The following GOLGA8M variants were observed in gnomAD, a reference collection of about 807,000 sequenced individuals.
The protein encoded by GOLGA8M is golgin subfamily A member 8M.
GOLGA8M carries 34 observed loss-of-function variants against 87.7 expected under a neutral mutation model. The ratio of observed to expected loss-of-function variants is 0.39; its 90% CI spans 0.29 to 0.52. The LOEUF is 0.52. Ranked by LOEUF, GOLGA8M falls within the 20% of genes least tolerant of loss-of-function variation. The pLI, the probability that GOLGA8M is intolerant of heterozygous loss-of-function variation, is 0.80. For missense variants in GOLGA8M, 396 were observed against 682.2 expected (o/e 0.58, Z 4.67); for synonymous variants, 138 against 250.2 (o/e 0.55, Z 4.23).
At chr15:28,711,901 C>A (rs1178300919) in intron 1 of GOLGA8M, 1 of 980,954 alleles carries the variant, frequency 1.0e-6, no homozygotes, top group African/African-American at 1.8e-5. Flanking sequence ...CAGCAGGGAG[C>A]CCCAGGAGTC....
In GOLGA8M at chr15:28,701,417, T is replaced by G. The variant is rs990069492; in HGVS notation, c.*537A>C. Among the ~76,000 whole-genome samples the G allele has an allele frequency of 6.6e-6, 1 of 151,586 alleles. No individual in the cohort carries two copies. Among genetic ancestry groups the G allele is most frequent in the African/African-American group, 2.4e-5 (1 of 41,118 alleles). ...TTCCAGTTCTTGGCCTTTAAACAAC[T>G]CTAAATGTCAGTACTCATAGTGGCA... is the stretch of plus-strand genomic sequence containing the variant. On this transcript the variant is annotated 3_prime_UTR_variant, in exon 19 of 19. Transcript: ENST00000563027.
Position 28,702,558 on chromosome 15 carries a change from T to C in GOLGA8M, c.1474A>G (p.Ile492Val), listed in dbSNP as rs574432181. 7.2e-5 allele frequency: 116 copies of C among 1,606,796 alleles called. 2 individuals are homozygous for C. In the South Asian group the frequency reaches 1.2e-3, roughly 17 times the overall value. ...CCTGGTTCTGATAAAAGGTGATGGA[T>C]TTTCCTGCGGGAGGACGGGGCTCAG... ...QYWQERCHQKIHHLLSEPGGR... is the reference protein window; with the variant it reads ...QYWQERCHQKVHHLLSEPGGR... The change falls in exon 17 of 19, where the codon ATC (isoleucine) becomes GTC (valine). Residue 492 changes from isoleucine (I) to valine (V), a missense_variant. Physicochemically the swap from Ile to Val is conservative, Grantham distance 29 (BLOSUM62 3). Transcript: ENST00000563027.
intron 1 of GOLGA8M, chr15:28,711,664 A>G (rs2080199059): frequency 9.1e-6 from 9 of 984,572 alleles, no homozygotes; most frequent in Non-Finnish European, 9.6e-6. Context: ...CTGGGTCATA[A>G]GATCAAAGGC....
chr15:28,702,521 T>G lies in GOLGA8M; in HGVS notation c.1511A>C (p.Lys504Thr), dbSNP rs551472824. The change falls in exon 17 of 19, where the codon AAA becomes ACA. Residue 504 changes from lysine to threonine, a missense_variant. Physicochemically the swap from Lys to Thr is moderately conservative, Grantham distance 78. Around this residue, in one of 12 missense-constraint regions of GOLGA8M, gnomAD observed 173 missense variants for 150.2 expected, o/e 1.15. Transcript: ENST00000563027. ...HLLSEPGGRA[K>T]DAALGGGHHQ... ...GTGTCCTCCTCCCAGTGCCGCATCT[T>G]TGGCACGGCCCCCTGGTTCTGATAA... is the stretch of plus-strand genomic sequence containing the variant. 1 of 1,598,286 alleles carries G rather than the reference T, an allele frequency of 6.3e-7. No individual in the cohort carries two copies. Among genetic ancestry groups the G allele is most frequent in the East Asian group, 2.2e-5 (1 of 44,470 alleles).
At chr15:28,703,485 C>T in intron 14 of GOLGA8M, 75 bp from the exon 15 acceptor site, 2 of 544,134 alleles carry the variant, frequency 3.7e-6, no homozygotes, top group Non-Finnish European at 6.0e-6. Flanking sequence ...TACCTCCACC[C>T]TCACTGTGTA....
rs745972460 is a variant in GOLGA8M, at chr15:28,702,506, C to A, written c.1526G>T (p.Gly509Val). 1.4e-4 allele frequency: 231 copies of A among 1,593,560 alleles called. No homozygotes were observed. Among genetic ancestry groups the A allele is most frequent in the African/African-American group, 8.5e-4 (61 of 71,356 alleles). Residue 509 changes from glycine to valine, a missense_variant, in exon 17 of 19, where the codon GGA becomes GTA. Gly to Val is a moderately radical substitution (Grantham distance 109). Around this residue, in one of 12 missense-constraint regions of GOLGA8M, gnomAD observed 173 missense variants for 150.2 expected, o/e 1.15. Transcript: ENST00000563027. The part of the protein sequence containing the change: ...PGGRAKDAAL[G>V]GGHHQAGAQG... ...AGCTCCAGCCTGATGGTGTCCTCCT[C>A]CCAGTGCCGCATCTTTGGCACGGCC...
Position 28,702,261 on chromosome 15 carries a change from G to A in GOLGA8M, c.1676C>T (p.Pro559Leu), listed in dbSNP as rs1235987322. ...AAHNSADEPG[P>L]GAPAPQELGA... ...AAGCTCCTGGGGAGCTGGGGCTCCT[G>A]GACCGGGCTCATCAGCAGAGTTGTG... Residue 559 changes from proline (P) to leucine (L), a missense_variant, in exon 18 of 19, where the codon CCA becomes CTA. Around this residue, in one of 12 missense-constraint regions of GOLGA8M, gnomAD observed 173 missense variants for 150.2 expected, o/e 1.15. Coordinates refer to ENST00000563027, the MANE Select transcript of GOLGA8M (RefSeq NM_001282468.3). The A allele has an allele frequency of 6.4e-7, 1 of 1,572,166 alleles. No individual in the cohort carries two copies. Among genetic ancestry groups the A allele is most frequent in the South Asian group, 1.1e-5 (1 of 88,652 alleles).
At chr15:28,710,099 G>C (rs1013490000) in intron 2 of GOLGA8M, among the ~76,000 whole-genome samples, 12 of 145,528 alleles carry the variant, frequency 8.2e-5, no homozygotes, top group Non-Finnish European at 1.3e-4. Context: ...TTTTCTTTGA[G>C]ACAGAGTCTT....
At position 28,698,619 on chromosome 15, in the gene GOLGA8M, T is replaced by G. The variant is rs2079738079; in HGVS notation, c.*3335A>C. Among the ~76,000 whole-genome samples the G allele has an allele frequency of 6.8e-6, 1 of 147,430 alleles. No homozygotes were observed. Among genetic ancestry groups the G allele is most frequent in the Admixed American group, 6.8e-5 (1 of 14,666 alleles). ...ACCCATAACTTTTTTATTTTGGTTT[T>G]TAATAAACACTTGCATAGTTATATT... On this transcript the variant is annotated 3_prime_UTR_variant, in exon 19 of 19. Transcript: ENST00000563027.
rs1462713900 is a variant in GOLGA8M at position 28,706,691 on chromosome 15, G to A, written c.600C>T (p.Ser200=). ...TCCACTCCGTACCTGCTTTACTGGG[G>A]CTGGACAACTGGATGGCAAAGAGTG... ...TQKKKANQLS[S]PSKAGTEWKL... The change falls in exon 9 of 19, where the codon AGC becomes AGT. Residue 200 remains serine (S), a synonymous_variant. Transcript: ENST00000563027. 1 of 1,491,746 alleles carries A rather than the reference G, an allele frequency of 6.7e-7. No homozygotes were observed. The allele number at this position is 1,491,746 out of a possible 1,614,324, so 92.4% of individuals were successfully genotyped here. A position where few individuals can be genotyped will look rare whatever the true frequency, so the allele number is the denominator to read the frequency against.
intron 5 of GOLGA8M, 21 bp downstream of exon 5, chr15:28,708,354 A>G (rs867911989): frequency 3.5e-5 from 56 of 1,600,578 alleles, no homozygotes; most frequent in Middle Eastern, 3.3e-4. Flanking sequence ...GTCATGTTGC[A>G]AGGAAACGAA....
At position 28,701,875 on chromosome 15, in the gene GOLGA8M, G is replaced by A. The variant is rs1434818444; in HGVS notation, c.*79C>T. 2 of 1,033,740 alleles carry A rather than the reference G, an allele frequency of 1.9e-6. No individual in the cohort carries two copies. Among genetic ancestry groups the A allele is most frequent in the African/African-American group, 3.2e-5 (2 of 61,562 alleles). 64.0% of individuals were successfully genotyped at this position (1,033,740 alleles called of 1,614,324 possible). A position where few individuals can be genotyped will look rare whatever the true frequency, so the allele number is the denominator to read the frequency against. On this transcript the variant is annotated 3_prime_UTR_variant, in exon 19 of 19. Transcript: ENST00000563027. ...ACTCTAACATTCAAAGGAAGTAAAT[G>A]AATTGTGTAGGAGATTAACCCCATA...
In GOLGA8M at chr15:28,701,493, C is replaced by G. The variant is rs575148204; in HGVS notation, c.*461G>C. ...ACTTGGGGGCAAACTACATATTGAG[C>G]TAACGAAGAGCTCACTGTGATTAAG... is the stretch of plus-strand genomic sequence containing the variant. On this transcript the variant is annotated 3_prime_UTR_variant, in exon 19 of 19. Coordinates refer to ENST00000563027, the MANE Select transcript of GOLGA8M (RefSeq NM_001282468.3). Among the ~76,000 whole-genome samples the G allele has an allele frequency of 2.2e-4, 34 of 151,324 alleles. No homozygotes were observed. The South Asian group carries it at 7.0e-3, about 31-fold the overall frequency.
rs1345349988 is a variant in GOLGA8M, at chr15:28,700,947, C to T, written c.*1007G>A. On this transcript the variant is annotated 3_prime_UTR_variant, in exon 19 of 19. Coordinates refer to ENST00000563027, the MANE Select transcript of GOLGA8M (RefSeq NM_001282468.3). ...GAACTCATAAAGGATTTCTTATGAT[C>T]TTCACTAAATACATTAAGAAGAATG... 1.3e-5 allele frequency among the ~76,000 whole-genome samples: 2 copies of T among 152,112 alleles called. No homozygotes were observed. Among genetic ancestry groups the T allele is most frequent in the African/African-American group, 4.8e-5 (2 of 41,416 alleles).
Position 28,702,923 on chromosome 15 carries a change from CTCTG to C in GOLGA8M, c.1369-182_1369-179del, listed in dbSNP as rs1434764932. ...CCCCCAGGCCCTGGGGCTGCAGGGCCTCTGGCTGCCTCTGGCTCCTTCTGGGCCG... is the reference window on the plus strand; with the variant it reads ...CCCCCAGGCCCTGGGGCTGCAGGGCCGCTGCCTCTGGCTCCTTCTGGGCCG... On this transcript the variant is annotated intron_variant, in intron 15 of 18. Coordinates refer to ENST00000563027, the MANE Select transcript of GOLGA8M (RefSeq NM_001282468.3). The C allele has an allele frequency of 1.0e-5, 10 of 972,290 alleles. No homozygotes were observed. In the East Asian group the frequency reaches 4.5e-4, roughly 43 times the overall value. 60.2% of individuals were successfully genotyped at this position (972,290 alleles called of 1,614,324 possible). A position where few individuals can be genotyped will look rare whatever the true frequency, so the allele number is the denominator to read the frequency against.
intron 5 of GOLGA8M, 72 bp from the exon 6 acceptor site, chr15:28,708,245 A>G: frequency 6.6e-7 from 1 of 1,510,918 alleles, no homozygotes. Flanking sequence ...ATGCCCCCAG[A>G]ATGCCACCAA....
intron 3 of GOLGA8M, 69 bp from the exon 4 acceptor site, chr15:28,709,416 G>A: frequency 1.3e-6 from 2 of 1,545,922 alleles, no homozygotes; most frequent in Non-Finnish European, 1.7e-6. Flanking sequence ...CAATCATTAG[G>A]GCTGGGGTGT....
In GOLGA8M at chr15:28,707,160, C is replaced by T. The variant is rs1221127977; in HGVS notation, c.592-461G>A. 6.6e-5 allele frequency among the ~76,000 whole-genome samples: 9 copies of T among 135,866 alleles called. 1 individual carries two copies. Among genetic ancestry groups the T allele is most frequent in the African/African-American group, 2.2e-4 (7 of 32,480 alleles). The allele number at this position is 135,866 out of a possible 152,430, so 89.1% of individuals were successfully genotyped here. On this transcript the variant is annotated intron_variant, in intron 8 of 18. Coordinates refer to ENST00000563027, the MANE Select transcript of GOLGA8M (RefSeq NM_001282468.3). Reference sequence around the variant, plus strand: ...CCAGGTCTATCCAATTCTCTAAGCCCGTTTTTCTTGCTGGGGATGGGGGCA... The same window carrying T: ...CCAGGTCTATCCAATTCTCTAAGCCTGTTTTTCTTGCTGGGGATGGGGGCA...
At position 28,707,173 on chromosome 15, in the gene GOLGA8M, G is replaced by T. The variant is rs1317622383; in HGVS notation, c.592-474C>A. 2.6e-4 allele frequency among the ~76,000 whole-genome samples: 36 copies of T among 136,240 alleles called. 2 individuals carry two copies. The highest frequency in any genetic ancestry group is 9.4e-4 in the African/African-American group (31 of 32,828). 89.4% of individuals were successfully genotyped at this position (136,240 alleles called of 152,430 possible). ...ATTCTCTAAGCCCGTTTTTCTTGCTGGGGATGGGGGCACAGATAGGAAGGG... is the reference window on the plus strand; with the variant it reads ...ATTCTCTAAGCCCGTTTTTCTTGCTTGGGATGGGGGCACAGATAGGAAGGG... On this transcript the variant is annotated intron_variant, in intron 8 of 18. Transcript: ENST00000563027.
Sources: allele counts gnomAD v4.1 joint callset (sites outside exome capture counted in the v4.1 genomes callset), GRCh38; gene constraint gnomAD v4.1.1; regional missense constraint gnomAD v4.1.1; transcripts MANE v1.5; gene names NCBI Gene and HGNC (gene_info 2026-07-23, HGNC 2026-07-21).